CSMD1: variants seen among roughly 807,000 people sequenced by gnomAD.
CSMD1 encodes CUB and Sushi multiple domains 1.
Under a neutral mutation model 417.5 loss-of-function variants are expected in CSMD1, and 213 were observed. The observed-to-expected ratio is 0.51, with a 90% CI of 0.46 to 0.57. The LOEUF is 0.57. Among genes scored for constraint, CSMD1 ranks in the 20% least tolerant of loss-of-function variants. The pLI, the probability that CSMD1 is intolerant of heterozygous loss-of-function variation, is 0.00. For synonymous variants in CSMD1, 2,862 were observed against 1,736.8 expected, an observed-to-expected ratio of 1.65 and a Z score of -16.11; for missense variants, 6,923 against 4,529.7, an observed-to-expected ratio of 1.53 and a Z score of -15.17.
At chr8:4,505,258 A>C (rs2130307558) in intron 2 of CSMD1, among the ~76,000 whole-genome samples, 1 of 152,336 alleles carries the variant, frequency 6.6e-6, no homozygotes, top group African/African-American at 2.4e-5. Context: ...ATGAAAAAAT[A>C]ATAATGATAA....
At chr8:3,894,966 A>G (rs1419152790) in intron 5 of CSMD1, among the ~76,000 whole-genome samples, 2 of 152,238 alleles carry the variant, frequency 1.3e-5, no homozygotes, top group African/African-American at 2.4e-5. Flanking sequence ...TAGGGTAATT[A>G]GAAGAGTCAA....
At chr8:4,795,872 G>C (rs978193656) in intron 1 of CSMD1, among the ~76,000 whole-genome samples, 4 of 152,064 alleles carry the variant, frequency 2.6e-5, no homozygotes, top group African/African-American at 9.7e-5. Context: ...GGAACCATGA[G>C]GTGTTGTTCT....
chr8:3,487,410 C>G (rs192878694), intron 11 of CSMD1, among the ~76,000 whole-genome samples: 1 of 152,056 alleles, frequency 6.6e-6, no homozygotes, highest in Non-Finnish European at 1.5e-5. Flanking sequence ...ACCATGTTAG[C>G]CAGGATGGTC....
chr8:4,423,628 C>T (rs1020317639), intron 2 of CSMD1, among the ~76,000 whole-genome samples: 1 of 151,988 alleles, frequency 6.6e-6, no homozygotes, highest in Middle Eastern at 3.2e-3. Context: ...ATATAGGTTA[C>T]TTCCAAACTG....
chr8:3,536,407 G>A (rs1336180639), intron 10 of CSMD1, among the ~76,000 whole-genome samples: 2 of 152,202 alleles, frequency 1.3e-5, no homozygotes, highest in African/African-American at 2.4e-5. Flanking sequence ...CAACTGTAGA[G>A]GAAGAATGGG....
At chr8:4,230,518 T>C (rs1801657085) in intron 3 of CSMD1, among the ~76,000 whole-genome samples, 1 of 152,194 alleles carries the variant, frequency 6.6e-6, no homozygotes. Context: ...CTTTCCCACA[T>C]ACAGAGTTTT....
chr8:2,978,507 GA>G, intron 55 of CSMD1, 104 bp downstream of exon 55: 1 of 871,168 alleles, frequency 1.1e-6, no homozygotes, highest in South Asian at 1.9e-5. Context: ...TGGGAGGACA[GA>G]AGGAATTAAA....
At chr8:4,704,784 A>G (rs1359384450) in intron 1 of CSMD1, among the ~76,000 whole-genome samples, 1 of 152,198 alleles carries the variant, frequency 6.6e-6, no homozygotes, top group Non-Finnish European at 1.5e-5. Context: ...AGGGAGTGGC[A>G]GTTGTCCTAA....
chr8:4,324,204 A>G (rs1328013276), intron 3 of CSMD1, among the ~76,000 whole-genome samples: 1 of 152,254 alleles, frequency 6.6e-6, no homozygotes, highest in South Asian at 2.1e-4. Context: ...AAACTGTGTC[A>G]TCGGAATGTA....
At chr8:4,222,901 G>C (rs1214609746) in intron 3 of CSMD1, among the ~76,000 whole-genome samples, 3 of 151,992 alleles carry the variant, frequency 2.0e-5, no homozygotes, top group African/African-American at 7.3e-5. Flanking sequence ...ATGGGCAAGT[G>C]AAAGTTATGC....
intron 3 of CSMD1, among the ~76,000 whole-genome samples, chr8:4,050,164 T>A (rs1336047700): frequency 6.6e-6 from 1 of 152,132 alleles, no homozygotes; most frequent in Non-Finnish European, 1.5e-5. Context: ...ACACGCATCA[T>A]CAGTGGGACT....
At chr8:3,531,912 A>C (rs1338184592) in intron 10 of CSMD1, among the ~76,000 whole-genome samples, 1 of 152,206 alleles carries the variant, frequency 6.6e-6, no homozygotes, top group Non-Finnish European at 1.5e-5. Flanking sequence ...ACAGTAAGAA[A>C]GAAATGAGCA....
intron 2 of CSMD1, among the ~76,000 whole-genome samples, chr8:4,466,326 G>A (rs985888989): frequency 2.0e-5 from 3 of 152,086 alleles, no homozygotes; most frequent in Admixed American, 6.6e-5. Context: ...AGGGAAGAAA[G>A]AAAGGGAAGA....
chr8:3,653,369 C>T (rs983786220), intron 7 of CSMD1, among the ~76,000 whole-genome samples: 1 of 152,148 alleles, frequency 6.6e-6, no homozygotes, highest in Non-Finnish European at 1.5e-5. Context: ...ACTGCAGAGG[C>T]ATGATCTCGG....
intron 23 of CSMD1, among the ~76,000 whole-genome samples, chr8:3,332,071 T>C (rs943644543): frequency 6.6e-6 from 1 of 152,154 alleles, no homozygotes; most frequent in Non-Finnish European, 1.5e-5. Flanking sequence ...CAATAGATGA[T>C]CAATTAATTG....
At chr8:3,934,910 A>G (rs1810380088) in intron 5 of CSMD1, among the ~76,000 whole-genome samples, 1 of 152,126 alleles carries the variant, frequency 6.6e-6, no homozygotes, top group South Asian at 2.1e-4. Flanking sequence ...TTCCAAGAAG[A>G]ACATTATAAG....
In CSMD1 at chr8:4,591,054, C is replaced by A. The variant is rs116798904; in HGVS notation, c.302+46288G>T. ...TGCATGTTTCTCTGAAGCCTGTGTT[C>A]TTGTCTCCAACAGAAATTCCCAGGA... On this transcript the variant is annotated intron_variant, in intron 2 of 69. Coordinates refer to ENST00000635120, the MANE Select transcript of CSMD1 (RefSeq NM_033225.6). Among the ~76,000 whole-genome samples the A allele has an allele frequency of 8.3e-3, 1,265 of 152,318 alleles. 11 individuals are homozygous for A. The highest frequency in any genetic ancestry group is 0.02 in the African/African-American group (834 of 41,578).
chr8:3,864,440 G>C (rs918100125), intron 5 of CSMD1, among the ~76,000 whole-genome samples: 1 of 152,204 alleles, frequency 6.6e-6, no homozygotes, highest in Non-Finnish European at 1.5e-5. Context: ...AATACAGTAT[G>C]AGAAGGGGTT....
At chr8:3,217,824 G>C (rs1448641775) in intron 29 of CSMD1, among the ~76,000 whole-genome samples, 1 of 152,118 alleles carries the variant, frequency 6.6e-6, no homozygotes, top group African/African-American at 2.4e-5. Flanking sequence ...TTCTGGTAAT[G>C]AGGTAAGAGA....
Sources: allele counts gnomAD v4.1 joint callset (sites outside exome capture counted in the v4.1 genomes callset), GRCh38; gene constraint gnomAD v4.1.1; transcripts MANE v1.5; gene names NCBI Gene and HGNC (gene_info 2026-07-23, HGNC 2026-07-21).